The following MDN1 variants were observed in gnomAD, a reference collection of about 807,000 sequenced individuals.
MDN1 encodes midasin.
MDN1 carries 266 observed loss-of-function variants against 669.2 expected under a neutral mutation model. The observed-to-expected ratio is 0.40, with a 90% CI of 0.36 to 0.44. The LOEUF is 0.44. Ranked by LOEUF, MDN1 falls within the 20% of genes least tolerant of loss-of-function variation. MDN1 has a pLI of 1.00. For missense variants in MDN1, 5,940 were observed against 6,754.0 expected, an observed-to-expected ratio of 0.88 and a Z score of 4.22; for synonymous variants, 2,385 against 2,457.1, an observed-to-expected ratio of 0.97 and a Z score of 0.87.
At chr6:89,685,045 G>A in intron 70 of MDN1, 60 bp from the exon 71 acceptor site, 2 of 1,143,412 alleles carry the variant, frequency 1.7e-6, no homozygotes, top group South Asian at 2.7e-5. Flanking sequence ...ACTGGTGCCA[G>A]CTGTGGCCTT....
intron 99 of MDN1, 146 bp downstream of exon 99, chr6:89,647,886 G>A (rs550345458): frequency 2.2e-5 from 14 of 636,614 alleles, no homozygotes; most frequent in African/African-American, 9.2e-5. Context: ...CCGGGAGTTC[G>A]AAGCTATAGT....
chr6:89,790,391 C>T lies in MDN1; in HGVS notation c.866G>A (p.Arg289Lys). ...LPAPGELGGN[R>K]SSSREQELAL... is the part of the protein sequence containing the mutation. ...CAGCTCCTGTTCACGTGAAGAACTC[C>T]TATTACCACCCTAAAGAGGCAAGAC... Residue 289 changes from arginine to lysine, a missense_variant, in exon 6 of 102, where the codon AGG (arginine) becomes AAG (lysine). This residue lies in a region of MDN1 where 1,203 missense variants were observed against 1,268.9 expected (regional missense o/e 0.95). Transcript: ENST00000369393. The T allele has an allele frequency of 6.2e-7, 1 of 1,613,786 alleles. No individual in the cohort carries two copies. Among genetic ancestry groups the T allele is most frequent in the Non-Finnish European group, 8.5e-7 (1 of 1,179,938 alleles).
chr6:89,789,959 G>A (rs753275202), intron 6 of MDN1, 48 bp from the exon 7 acceptor site: 5 of 1,600,060 alleles, frequency 3.1e-6, no homozygotes, highest in Non-Finnish European at 4.3e-6. Flanking sequence ...ACCTGTAGTG[G>A]CAATGCTACA....
At chr6:89,719,759 T>G (rs1814685548) in intron 40 of MDN1, among the ~76,000 whole-genome samples, 1 of 152,242 alleles carries the variant, frequency 6.6e-6, no homozygotes, top group Non-Finnish European at 1.5e-5. Context: ...TTGCCCATGG[T>G]TGGTGACCGA....
At chr6:89,742,224 C>A (rs1245151986) in intron 31 of MDN1, among the ~76,000 whole-genome samples, 1 of 152,160 alleles carries the variant, frequency 6.6e-6, no homozygotes, top group African/African-American at 2.4e-5. Flanking sequence ...ACCAGCCTAG[C>A]CAACATGGCA....
rs903664135 is a variant in MDN1 at position 89,673,220 on chromosome 6, G to C, written c.13474+16C>G. The C allele has an allele frequency of 6.3e-7, 1 of 1,592,988 alleles. No homozygotes were observed. Among genetic ancestry groups the C allele is most frequent in the Non-Finnish European group, 8.6e-7 (1 of 1,161,002 alleles). On this transcript the variant is annotated intron_variant, in intron 80 of 101. Coordinates refer to ENST00000369393, the MANE Select transcript of MDN1 (RefSeq NM_014611.3). ...TACACTGGACTTTCATTCCCTGACT[G>C]AACAATATTCCTTACCTCCTTGGCT... is the stretch of plus-strand genomic sequence containing the variant.
At chr6:89,707,056 C>A (rs909993287) in intron 52 of MDN1, among the ~76,000 whole-genome samples, 1 of 152,172 alleles carries the variant, frequency 6.6e-6, no homozygotes, top group South Asian at 2.1e-4. Flanking sequence ...TTGCTAGAGA[C>A]GTGACCTTGA....
At chr6:89,780,527 C>T (rs1475317400) in intron 10 of MDN1, among the ~76,000 whole-genome samples, 1 of 152,060 alleles carries the variant, frequency 6.6e-6, no homozygotes, top group South Asian at 2.1e-4. Context: ...TCCCAATCTT[C>T]ACCCATTCCA....
chr6:89,716,895 C>T, intron 43 of MDN1, 86 bp from the exon 44 acceptor site: 1 of 1,365,894 alleles, frequency 7.3e-7, no homozygotes, highest in South Asian at 1.6e-5. Context: ...CTTGATACTT[C>T]TAGCCAAGGT....
chr6:89,692,852 T>C lies in MDN1; in HGVS notation c.10178A>G (p.Tyr3393Cys), dbSNP rs1812468875. 1.2e-6 allele frequency: 2 copies of C among 1,614,224 alleles called. No individual in the cohort carries two copies. The highest frequency in any genetic ancestry group is 1.7e-6 in the Non-Finnish European group (2 of 1,180,036). The change falls in exon 63 of 102, where the codon TAT becomes TGT. Residue 3393 changes from tyrosine (Y) to cysteine (C), a missense_variant. Coordinates refer to ENST00000369393, the MANE Select transcript of MDN1 (RefSeq NM_014611.3). ...CTGCAGTGGGCTCACGGCATCTGGATAGAAGGTGTACTCCTCTGACAGCCG... is the reference window on the plus strand; with the variant it reads ...CTGCAGTGGGCTCACGGCATCTGGACAGAAGGTGTACTCCTCTGACAGCCG... ...RKRLSEEYTFYPDAVSPLQAS... is the reference protein window; with the variant it reads ...RKRLSEEYTFCPDAVSPLQAS...
chr6:89,665,429 C>T (rs1810121033), intron 84 of MDN1, among the ~76,000 whole-genome samples: 1 of 152,140 alleles, frequency 6.6e-6, no homozygotes, highest in Admixed American at 6.6e-5. Flanking sequence ...CTTTTTAAGG[C>T]CAGGCACGGT....
At chr6:89,683,786 A>G (rs553474904) in intron 72 of MDN1, 45 bp downstream of exon 72, 57 of 1,483,172 alleles carry the variant, frequency 3.8e-5, no homozygotes, top group Non-Finnish European at 4.9e-5. Flanking sequence ...ACCACACAAA[A>G]TTCTATTCTA....
In MDN1 at chr6:89,738,359, G is replaced by A. The variant is rs763513088; in HGVS notation, c.4690C>T (p.Pro1564Ser). The A allele has an allele frequency of 1.9e-6, 3 of 1,613,968 alleles. No individual in the cohort carries two copies. Among genetic ancestry groups the A allele is most frequent in the Non-Finnish European group, 2.5e-6 (3 of 1,179,950 alleles). The change falls in exon 33 of 102, where the codon CCA (proline) becomes TCA (serine). Residue 1564 changes from proline to serine, a missense_variant. Pro to Ser is a moderately conservative substitution (Grantham distance 74). Coordinates refer to ENST00000369393, the MANE Select transcript of MDN1 (RefSeq NM_014611.3). ...LIQIISHNLR[P>S]GLCLGRIDPK... ...TCTATTCTGCCCAGACACAATCCTG[G>A]ACGAAGATTATGACTGATGATCTGA... is the stretch of plus-strand genomic sequence containing the variant.
Position 89,652,114 on chromosome 6 carries a change from T to G in MDN1, c.15915+78A>C, listed in dbSNP as rs1352198796. 5.8e-5 allele frequency: 65 copies of G among 1,123,774 alleles called. 1 individual carries two copies. Among genetic ancestry groups the G allele is most frequent in the Non-Finnish European group, 2.5e-5 (19 of 758,164 alleles). 69.6% of individuals were successfully genotyped at this position (1,123,774 alleles called of 1,614,324 possible). On this transcript the variant is annotated intron_variant, in intron 95 of 101. Coordinates refer to ENST00000369393, the MANE Select transcript of MDN1 (RefSeq NM_014611.3). ...TTTGTTAAGGTAATTGCTAAGAACCTATTAAGTTTGCTATATGTTGAACAA... is the reference window on the plus strand; with the variant it reads ...TTTGTTAAGGTAATTGCTAAGAACCGATTAAGTTTGCTATATGTTGAACAA...
In MDN1 at chr6:89,745,364, T is replaced by C. The variant is rs1403813787; in HGVS notation, c.4087A>G (p.Ile1363Val). The C allele has an allele frequency of 1.9e-6, 3 of 1,613,930 alleles. No homozygotes were observed. The highest frequency in any genetic ancestry group is 1.3e-5 in the African/African-American group (1 of 74,898). Residue 1363 changes from isoleucine to valine, a missense_variant, in exon 29 of 102, where the codon ATC becomes GTC. Ile to Val is a conservative substitution (Grantham distance 29). This residue lies in a region of MDN1 where 2,292 missense variants were observed against 2,638.3 expected (regional missense o/e 0.87). Transcript: ENST00000369393. ...ISTLECNFGH[I>V]VWTEGMRRLA... is the part of the protein sequence containing the mutation. ...CTCCGCATGCCCTCAGTCCACACGA[T>C]ATGGCCAAAGTTACACTCCAATGTG...
chr6:89,806,930 C>T (rs1768063400), intron 1 of MDN1, among the ~76,000 whole-genome samples: 1 of 151,856 alleles, frequency 6.6e-6, no homozygotes, highest in South Asian at 2.1e-4. Context: ...AAATAAAATA[C>T]ATAAAATATA....
chr6:89,815,555 C>G (rs1252495721), intron 1 of MDN1: 1 of 249,110 alleles, frequency 4.0e-6, no homozygotes, highest in African/African-American at 2.3e-5. Flanking sequence ...CCCCCCTGCT[C>G]CAGCCACATC....
intron 59 of MDN1, among the ~76,000 whole-genome samples, chr6:89,696,892 A>G (rs1195891182): frequency 6.6e-6 from 1 of 152,150 alleles, no homozygotes; most frequent in African/African-American, 2.4e-5. Flanking sequence ...GGTGCAAGGA[A>G]AGGAGTGAGA....
chr6:89,675,278 C>T, intron 78 of MDN1, 186 bp downstream of exon 78: 1 of 579,076 alleles, frequency 1.7e-6, no homozygotes. Flanking sequence ...GGGAGAGGGA[C>T]ACTAGAGGCA....
Sources: allele counts gnomAD v4.1 joint callset (sites outside exome capture counted in the v4.1 genomes callset), GRCh38; gene constraint gnomAD v4.1.1; regional missense constraint gnomAD v4.1.1; transcripts MANE v1.5; gene names NCBI Gene and HGNC (gene_info 2026-07-23, HGNC 2026-07-21).